The following ZBTB46 variants were observed in gnomAD, a reference collection of about 807,000 sequenced individuals.
ZBTB46 encodes zinc finger and BTB domain containing 46.
ZBTB46 carries 8 observed loss-of-function variants against 44.1 expected under a neutral mutation model. That is an observed-to-expected ratio of 0.18 (90% CI 0.11 to 0.33). The LOEUF is 0.33. ZBTB46 is among the 10% of genes least tolerant of loss of function. The pLI is 1.00. For missense variants in ZBTB46, 651 were observed against 847.7 expected, an observed-to-expected ratio of 0.77 and a Z score of 2.88; for synonymous variants, 409 against 382.3, an observed-to-expected ratio of 1.07 and a Z score of -0.81.
At chr20:63,781,337 T>C (rs1305665917) in intron 2 of ZBTB46, among the ~76,000 whole-genome samples, 1 of 152,100 alleles carries the variant, frequency 6.6e-6, no homozygotes, top group Non-Finnish European at 1.5e-5. Context: ...AGGTGCCCGA[T>C]GCTCATCACC....
At chr20:63,806,369 T>C (rs2092681231) in intron 1 of ZBTB46, among the ~76,000 whole-genome samples, 2 of 141,210 alleles carry the variant, frequency 1.4e-5, no homozygotes, top group South Asian at 4.4e-4. Flanking sequence ...AACATATCAC[T>C]GCACTCCAGC....
At chr20:63,829,066 C>G (rs761756571) in intron 1 of ZBTB46, among the ~76,000 whole-genome samples, 8 of 152,118 alleles carry the variant, frequency 5.3e-5, no homozygotes, top group Admixed American at 1.3e-4. Flanking sequence ...AACTGTGTAC[C>G]CCCCACGGCA....
chr20:63,782,096 A>AAAAAGAAAAG (rs1292028300), intron 2 of ZBTB46, among the ~76,000 whole-genome samples: 1 of 124,924 alleles, frequency 8.0e-6, no homozygotes. Flanking sequence ...CAAAAAAAAA[A>AAAAAGAAAAG]AAAAGAAAAG....
At chr20:63,806,027 C>T (rs550302673) in intron 1 of ZBTB46, among the ~76,000 whole-genome samples, 4 of 151,620 alleles carry the variant, frequency 2.6e-5, no homozygotes, top group Admixed American at 1.3e-4. Flanking sequence ...TACCCGCCTC[C>T]GCCTCCCAAA....
At chr20:63,785,016 G>A (rs527882685) in intron 2 of ZBTB46, among the ~76,000 whole-genome samples, 11 of 149,624 alleles carry the variant, frequency 7.4e-5, no homozygotes, top group Admixed American at 1.3e-4. Context: ...GGCGGATCAC[G>A]AGGTCAAGAG....
upstream of ZBTB46, among the ~76,000 whole-genome samples, chr20:63,833,845 A>G (rs2092862534): frequency 6.6e-6 from 1 of 152,230 alleles, no homozygotes. Flanking sequence ...AGTCCTACAG[A>G]CCGTTATTCC....
chr20:63,819,331 C>A (rs2092778337), intron 1 of ZBTB46, among the ~76,000 whole-genome samples: 1 of 152,210 alleles, frequency 6.6e-6, no homozygotes, highest in Non-Finnish European at 1.5e-5. Context: ...TGCTGCCTGC[C>A]AGCTTTGCTC....
intron 1 of ZBTB46, among the ~76,000 whole-genome samples, chr20:63,814,561 A>T (rs1368841645): frequency 2.0e-5 from 3 of 151,954 alleles, no homozygotes; most frequent in African/African-American, 4.8e-5. Context: ...CTGCAGGGGG[A>T]GAGAACCCCA....
intron 1 of ZBTB46, among the ~76,000 whole-genome samples, chr20:63,828,770 G>A (rs920114589): frequency 6.6e-6 from 1 of 152,240 alleles, no homozygotes; most frequent in Non-Finnish European, 1.5e-5. Flanking sequence ...GCGGGTGCCT[G>A]GGCACCAGTC....
At position 63,775,928 on chromosome 20, in the gene ZBTB46, G is replaced by A. The variant is rs762657560; in HGVS notation, c.972C>T (p.Ser324=). Residue 324 remains serine (S), a synonymous_variant, in exon 3 of 5, where the codon TCC becomes TCT. Coordinates refer to ENST00000245663, the MANE Select transcript of ZBTB46 (RefSeq NM_001369741.1). ...GCTCGGCCCTCTCTCCTCGGCTGTC[G>A]GAGCTGCTGGCTTCGGTGACGGACA... ...ADLSVTEASS[S]DSRGERAELY... The A allele has an allele frequency of 4.4e-6, 7 of 1,587,760 alleles. No individual in the cohort carries two copies. The highest frequency in any genetic ancestry group is 4.5e-5 in the East Asian group (2 of 44,688).
At chr20:63,750,355 C>T (rs563070439) in intron 4 of ZBTB46, among the ~76,000 whole-genome samples, 2 of 152,118 alleles carry the variant, frequency 1.3e-5, no homozygotes, top group East Asian at 3.9e-4. Context: ...AGGTGATCGT[C>T]CTGCCTCAGC....
intron 1 of ZBTB46, among the ~76,000 whole-genome samples, chr20:63,797,365 G>A (rs2092611708): frequency 6.6e-6 from 1 of 152,076 alleles, no homozygotes; most frequent in African/African-American, 2.4e-5. Context: ...GTATTCTATG[G>A]TGTACATGTG....
chr20:63,828,883 C>G (rs1568914854), intron 1 of ZBTB46, among the ~76,000 whole-genome samples: 2 of 152,218 alleles, frequency 1.3e-5, no homozygotes, highest in African/African-American at 4.8e-5. Flanking sequence ...GCTAAGACCT[C>G]TGATGGAGAA....
chr20:63,751,357 A>G (rs955295747), intron 4 of ZBTB46, among the ~76,000 whole-genome samples: 1 of 152,150 alleles, frequency 6.6e-6, no homozygotes, highest in Non-Finnish European at 1.5e-5. Context: ...ATGTGGGGGC[A>G]TCAGGGAAGG....
intron 1 of ZBTB46, among the ~76,000 whole-genome samples, chr20:63,794,444 C>T (rs546426145): frequency 4.6e-5 from 7 of 152,124 alleles, no homozygotes; most frequent in South Asian, 4.1e-4. Flanking sequence ...CTTCCCACCT[C>T]GGCCTCCCAA....
At chr20:63,824,486 G>C (rs994031828) in intron 1 of ZBTB46, among the ~76,000 whole-genome samples, 2 of 151,918 alleles carry the variant, frequency 1.3e-5, no homozygotes, top group African/African-American at 4.8e-5. Context: ...GCAAATATCA[G>C]AAAAACTCAC....
chr20:63,806,804 A>C (rs1432705095), intron 1 of ZBTB46, among the ~76,000 whole-genome samples: 1 of 145,714 alleles, frequency 6.9e-6, no homozygotes, highest in African/African-American at 2.6e-5. Flanking sequence ...TTTTTTTGAG[A>C]TGGAGTCTCG....
upstream of ZBTB46, among the ~76,000 whole-genome samples, chr20:63,831,673 C>T (rs1312489626): frequency 6.7e-6 from 1 of 150,210 alleles, no homozygotes; most frequent in Non-Finnish European, 1.5e-5. Flanking sequence ...AAACACCCCA[C>T]GGGAGCGGCG....
At chr20:63,779,085 G>A (rs1013227405) in intron 2 of ZBTB46, among the ~76,000 whole-genome samples, 3 of 152,102 alleles carry the variant, frequency 2.0e-5, no homozygotes, top group Non-Finnish European at 4.4e-5. Flanking sequence ...TCAGGGCCCC[G>A]CCTGTGACTT....
Sources: gnomAD v4.1 joint callset for allele counts (sites outside exome capture counted in the v4.1 genomes callset) on GRCh38, gnomAD v4.1.1 for gene constraint, MANE v1.5 for transcripts, NCBI Gene and HGNC (gene_info 2026-07-23, HGNC 2026-07-21) for gene names.